The following SAMD5 variants were observed in gnomAD, a reference collection of about 807,000 sequenced individuals.
SAMD5 encodes the protein sterile alpha motif domain containing 5.
A neutral mutation model predicts 11.3 loss-of-function variants in SAMD5; 13 were observed. The observed-to-expected ratio is 1.15, with a 90% CI of 0.75 to 1.83. The LOEUF (loss-of-function observed/expected upper bound fraction) is 1.83, where lower values mean the gene tolerates loss of function less well. SAMD5 is among the 40% of genes most tolerant of loss of function. The probability of loss-of-function intolerance (pLI) is 0.00; values close to 1 mark genes in which losing one functional copy is unlikely to be tolerated. For synonymous variants in SAMD5, 129 were observed against 111.3 expected (o/e 1.16, Z -1.00); for missense variants, 255 against 239.1 (o/e 1.07, Z -0.44).
intron 1 of SAMD5, among the ~76,000 whole-genome samples, chr6:147,593,013 G>C (rs1247794477): frequency 1.3e-5 from 2 of 150,204 alleles, no homozygotes; most frequent in Non-Finnish European, 2.9e-5. Context: ...TAGAGTCCTG[G>C]GATACTGCAG....
chr6:147,887,270 TGATTAA>T, the SAMD5 span, among the ~76,000 whole-genome samples: 3 of 152,288 alleles, frequency 2.0e-5, no homozygotes, highest in Admixed American at 6.5e-5. Flanking sequence ...GCCACCAAAA[TGATTAA>T]GATAAAGAAC....
intron 1 of SAMD5, among the ~76,000 whole-genome samples, chr6:147,613,176 A>T (rs900507469): frequency 2.7e-5 from 4 of 150,260 alleles, no homozygotes; most frequent in African/African-American, 1.0e-4. Context: ...ATAAAAATTC[A>T]TTATGATTAT....
chr6:147,878,612 G>T, the SAMD5 span, among the ~76,000 whole-genome samples: 7 of 142,068 alleles, frequency 4.9e-5, no homozygotes, highest in African/African-American at 1.1e-4. Flanking sequence ...TATCTATATA[G>T]ATATATATGT....
the SAMD5 span, among the ~76,000 whole-genome samples, chr6:147,833,507 G>A: frequency 6.6e-6 from 1 of 152,142 alleles, no homozygotes; most frequent in African/African-American, 2.4e-5. Context: ...ATATTGATTT[G>A]ACAAATCCTT....
the SAMD5 span, among the ~76,000 whole-genome samples, chr6:147,886,817 A>AGGGAAGGCTCTG: frequency 6.6e-6 from 1 of 152,196 alleles, no homozygotes; most frequent in Non-Finnish European, 1.5e-5. Flanking sequence ...TGAGGAGCTG[A>AGGGAAGGCTCTG]GGGAAGGCTC....
At chr6:147,728,585 G>A (rs865822970) in intron 1 of SAMD5, among the ~76,000 whole-genome samples, 1 of 152,200 alleles carries the variant, frequency 6.6e-6, no homozygotes, top group Non-Finnish European at 1.5e-5. Flanking sequence ...ACCGCGGGCT[G>A]AGTGTGCAAC....
At chr6:147,881,777 G>C in the SAMD5 span, among the ~76,000 whole-genome samples, 1 of 152,176 alleles carries the variant, frequency 6.6e-6, no homozygotes, top group Non-Finnish European at 1.5e-5. Flanking sequence ...CTCACTTCAA[G>C]AAGTTACACG....
intron 1 of SAMD5, among the ~76,000 whole-genome samples, chr6:147,670,170 T>C (rs751025967): frequency 2.0e-5 from 3 of 152,202 alleles, no homozygotes; most frequent in Non-Finnish European, 2.9e-5. Context: ...TTTGAAAGGA[T>C]TTTTTTCCTT....
intron 1 of SAMD5, among the ~76,000 whole-genome samples, chr6:147,643,510 T>A (rs371702344): frequency 6.6e-6 from 1 of 152,156 alleles, no homozygotes; most frequent in East Asian, 1.9e-4. Flanking sequence ...TTACTTCTTT[T>A]ACCCCGTGGC....
At chr6:147,842,911 G>A in the SAMD5 span, among the ~76,000 whole-genome samples, 1 of 152,328 alleles carries the variant, frequency 6.6e-6, no homozygotes, top group East Asian at 1.9e-4. Context: ...CCAGGCTGGA[G>A]TGCAGTGGCA....
chr6:147,878,621 G>A, the SAMD5 span, among the ~76,000 whole-genome samples: 573 of 142,762 alleles, frequency 4.0e-3, 5 homozygotes, highest in East Asian at 0.06. Context: ...AGATATATAT[G>A]TATATATATC....
chr6:147,701,652 C>CAA (rs35003792), intron 1 of SAMD5, among the ~76,000 whole-genome samples: 15,914 of 136,598 alleles, frequency 0.12, 933 homozygotes, highest in Middle Eastern at 0.18. Flanking sequence ...TAGTCTGTCT[C>CAA]AAAAAAAAAA....
the SAMD5 span, among the ~76,000 whole-genome samples, chr6:147,757,557 T>C: frequency 4.6e-5 from 7 of 152,216 alleles, no homozygotes; most frequent in Non-Finnish European, 7.3e-5. Context: ...ATTTATACAT[T>C]TGGCATCAGT....
chr6:147,720,257 C>T (rs536016916), intron 1 of SAMD5, among the ~76,000 whole-genome samples: 1 of 152,066 alleles, frequency 6.6e-6, no homozygotes, highest in Admixed American at 6.6e-5. Context: ...GTCAGGAGAT[C>T]GAGACCATCC....
the SAMD5 span, among the ~76,000 whole-genome samples, chr6:147,838,536 C>CCG: frequency 7.0e-6 from 1 of 143,822 alleles, no homozygotes; most frequent in East Asian, 2.1e-4. Context: ...ATCCTGCCCC[C>CCG]CCCCCGTAGT....
intron 1 of SAMD5, among the ~76,000 whole-genome samples, chr6:147,576,501 A>G (rs1254985155): frequency 6.6e-6 from 1 of 152,138 alleles, no homozygotes; most frequent in African/African-American, 2.4e-5. Context: ...TTATGCTCAG[A>G]GTCTGTGTGG....
At chr6:147,909,793 T>A in the SAMD5 span, among the ~76,000 whole-genome samples, 1 of 152,060 alleles carries the variant, frequency 6.6e-6, no homozygotes, top group Admixed American at 6.5e-5. Context: ...CTAAAATATT[T>A]ACTATCCAGC....
chr6:147,663,690 G>A (rs2128454661), intron 1 of SAMD5, among the ~76,000 whole-genome samples: 1 of 151,302 alleles, frequency 6.6e-6, no homozygotes, highest in East Asian at 2.0e-4. Flanking sequence ...TACTCAGGAG[G>A]CTGAGGCAGG....
the SAMD5 span, among the ~76,000 whole-genome samples, chr6:147,762,745 T>A: frequency 6.6e-6 from 1 of 152,152 alleles, no homozygotes; most frequent in Non-Finnish European, 1.5e-5. Context: ...GTCTCCTTAT[T>A]TCCGGTTTAG....
Sources: allele counts gnomAD v4.1 joint callset (sites outside exome capture counted in the v4.1 genomes callset), GRCh38; gene constraint gnomAD v4.1.1; transcripts MANE v1.5; gene names NCBI Gene and HGNC (gene_info 2026-07-23, HGNC 2026-07-21).